Variants in TENM2 observed in about 807,000 individuals in gnomAD.
TENM2 encodes the protein teneurin-2.
Under a neutral mutation model 245.2 loss-of-function variants are expected in TENM2, and 52 were observed. That is an observed-to-expected ratio of 0.21 (90% CI 0.17 to 0.27). The LOEUF (loss-of-function observed/expected upper bound fraction) is 0.27, where lower values mean the gene tolerates loss of function less well. Among genes scored for constraint, TENM2 ranks in the 10% least tolerant of loss-of-function variants. TENM2 has a pLI of 1.00. For missense variants in TENM2, 3,046 were observed against 3,666.8 expected (o/e 0.83, Z 4.37); for synonymous variants, 1,363 against 1,438.9 (o/e 0.95, Z 1.19).
chr5:168,002,683 G>A (rs1256835240), intron 5 of TENM2, among the ~76,000 whole-genome samples: 1 of 152,196 alleles, frequency 6.6e-6, no homozygotes, highest in African/African-American at 2.4e-5. Flanking sequence ...TGAATCTCGA[G>A]AGAATTATGA....
At chr5:167,590,817 T>C (rs1436014832) in intron 2 of TENM2, among the ~76,000 whole-genome samples, 1 of 152,206 alleles carries the variant, frequency 6.6e-6, no homozygotes, top group Non-Finnish European at 1.5e-5. Context: ...CTTAGATTTG[T>C]CTTAATCAGG....
At chr5:167,912,360 ATATATGCCACATTTTCTT>A (rs1776617487) in intron 3 of TENM2, among the ~76,000 whole-genome samples, 2 of 152,320 alleles carry the variant, frequency 1.3e-5, no homozygotes, top group African/African-American at 4.8e-5. Flanking sequence ...TCTGTTGTGT[ATATATGCCACATTTTCTT>A]TACCCATTCA....
At chr5:167,099,147 G>A in the TENM2 span, among the ~76,000 whole-genome samples, 1 of 152,148 alleles carries the variant, frequency 6.6e-6, no homozygotes, top group African/African-American at 2.4e-5. Flanking sequence ...CTTACTAGCT[G>A]TGTAACCCTG....
intron 2 of TENM2, chr5:167,660,464 CAAAAAAAAAAAAAAAAA>C (rs749846307): frequency 6.0e-5 from 2 of 33,154 alleles, no homozygotes; most frequent in Non-Finnish European, 1.5e-4. Context: ...GGCTGTGTCT[CAAAAAAAAAAAAAAAAA>C]AAAAAAAAAA....
chr5:168,118,329 T>C (rs776022523), exon 10 of TENM2: 115 of 1,608,362 alleles, frequency 7.2e-5, no homozygotes, highest in Non-Finnish European at 9.4e-5. Context: ...ATGGACAATA[T>C]TCTAAAGGGA....
intron 2 of TENM2, among the ~76,000 whole-genome samples, chr5:167,859,597 G>A (rs1771509521): frequency 1.8e-5 from 2 of 110,928 alleles, no homozygotes; most frequent in African/African-American, 7.5e-5. Flanking sequence ...CCCCGTCCGG[G>A]AGGGAGGTGG....
chr5:167,291,188 CAG>C (rs1354644926), intron 1 of TENM2, among the ~76,000 whole-genome samples: 4 of 152,152 alleles, frequency 2.6e-5, no homozygotes, highest in Non-Finnish European at 5.9e-5. Flanking sequence ...GGAAATTCCC[CAG>C]AGTTTCACCC....
In TENM2 at chr5:168,211,627, T is replaced by C. The variant is rs1011430649; in HGVS notation, c.3825-107T>C. On this transcript the variant is annotated intron_variant, in intron 19 of 28. Transcript: ENST00000518659. ...CAGGGGAAAAAAGAAAAAGACTGCC[T>C]TTTTTGGGCCCCTTTATACAAGAAA... is the stretch of plus-strand genomic sequence containing the variant. The C allele has an allele frequency of 5.7e-6, 4 of 696,518 alleles. No homozygotes were observed. The African/African-American group carries it at 7.4e-5, about 13-fold the overall frequency. 43.1% of individuals were successfully genotyped at this position (696,518 alleles called of 1,614,324 possible). A position where few individuals can be genotyped will look rare whatever the true frequency, so the allele number is the denominator to read the frequency against.
At chr5:167,330,245 G>A (rs1043076566) in intron 1 of TENM2, among the ~76,000 whole-genome samples, 1 of 152,086 alleles carries the variant, frequency 6.6e-6, no homozygotes, top group Non-Finnish European at 1.5e-5. Context: ...GACCAGCCTT[G>A]TGTCCATCAA....
At chr5:167,903,467 C>T (rs1315857916) in intron 3 of TENM2, among the ~76,000 whole-genome samples, 1 of 123,530 alleles carries the variant, frequency 8.1e-6, no homozygotes, top group Non-Finnish European at 1.6e-5. Context: ...TTTGAGGTGA[C>T]TTCTTAGCTG....
At chr5:167,591,607 G>A (rs920635055) in intron 2 of TENM2, among the ~76,000 whole-genome samples, 24 of 152,096 alleles carry the variant, frequency 1.6e-4, no homozygotes, top group Non-Finnish European at 2.2e-4. Context: ...TGAAGTAGGC[G>A]GCAGTATTAT....
intron 2 of TENM2, among the ~76,000 whole-genome samples, chr5:167,422,932 G>A (rs924920571): frequency 1.3e-5 from 2 of 152,130 alleles, no homozygotes; most frequent in South Asian, 2.1e-4. Context: ...ACAACATCCA[G>A]TAGTTTTATG....
chr5:167,431,769 G>A (rs981554230), intron 2 of TENM2, among the ~76,000 whole-genome samples: 13 of 151,352 alleles, frequency 8.6e-5, no homozygotes, highest in African/African-American at 2.4e-4. Context: ...TTAAAAAGGC[G>A]TTCTCTGTTA....
the TENM2 span, among the ~76,000 whole-genome samples, chr5:167,144,012 C>T: frequency 2.0e-5 from 3 of 152,092 alleles, no homozygotes; most frequent in African/African-American, 7.2e-5. Context: ...CTTCTGTGAT[C>T]GCTCATCAAG....
intron 5 of TENM2, among the ~76,000 whole-genome samples, chr5:167,999,454 G>A (rs1347534437): frequency 2.0e-5 from 3 of 152,180 alleles, no homozygotes; most frequent in Non-Finnish European, 4.4e-5. Flanking sequence ...ACACTGGTGA[G>A]TCTTTGGCAG....
chr5:167,478,737 C>A (rs1767558139), intron 2 of TENM2, among the ~76,000 whole-genome samples: 1 of 152,114 alleles, frequency 6.6e-6, no homozygotes, highest in South Asian at 2.1e-4. Context: ...ATATTAGTAG[C>A]AAACCATTTT....
chr5:167,947,567 C>T (rs1389589806), intron 3 of TENM2, among the ~76,000 whole-genome samples: 1 of 152,188 alleles, frequency 6.6e-6, no homozygotes, highest in East Asian at 1.9e-4. Context: ...TCTTGAAAAT[C>T]CTCACCCCCA....
chr5:167,349,393 A>T (rs969822282), intron 1 of TENM2, among the ~76,000 whole-genome samples: 2 of 152,222 alleles, frequency 1.3e-5, no homozygotes, highest in African/African-American at 4.8e-5. Context: ...CTAAGAAGCT[A>T]CAGAATTTGA....
At chr5:168,023,351 C>T (rs1345272719) in intron 5 of TENM2, among the ~76,000 whole-genome samples, 1 of 152,156 alleles carries the variant, frequency 6.6e-6, no homozygotes, top group African/African-American at 2.4e-5. Flanking sequence ...ATTTCCAGGC[C>T]GCGGACTAGC....
Sources: allele counts gnomAD v4.1 joint callset (sites outside exome capture counted in the v4.1 genomes callset), GRCh38; gene constraint gnomAD v4.1.1; transcripts MANE v1.5; gene names NCBI Gene and HGNC (gene_info 2026-07-23, HGNC 2026-07-21).